DAB2IP: variants seen among roughly 807,000 people sequenced by gnomAD.
DAB2IP encodes the protein disabled homolog 2-interacting protein.
DAB2IP carries 28 observed loss-of-function variants against 107.2 expected under a neutral mutation model. The ratio of observed to expected loss-of-function variants is 0.26; its 90% CI spans 0.19 to 0.36. The LOEUF is 0.36. Ranked by LOEUF, DAB2IP falls within the 10% of genes least tolerant of loss-of-function variation. DAB2IP has a pLI of 1.00. For synonymous variants in DAB2IP, 755 were observed against 706.4 expected (o/e 1.07, Z -1.09); for missense variants, 1,400 against 1,644.7 (o/e 0.85, Z 2.57).
At chr9:121,777,658 G>T (rs1344509326) in intron 14 of DAB2IP, among the ~76,000 whole-genome samples, 1 of 152,004 alleles carries the variant, frequency 6.6e-6, no homozygotes, top group Non-Finnish European at 1.5e-5. Context: ...ATCCTTACTG[G>T]CTTTTCTATT....
chr9:121,773,291 G>GCCCCCCCCC, exon 12 of DAB2IP: 1 of 1,511,552 alleles, frequency 6.6e-7, no homozygotes, highest in Non-Finnish European at 8.9e-7. Flanking sequence ...ACCAGCCTCC[G>GCCCCCCCCC]CCCCCACCCC....
In DAB2IP at chr9:121,776,869, T is replaced by C. The variant is rs1835238208; in HGVS notation, c.3314+478T>C. On this transcript the variant is annotated intron_variant, in intron 14 of 15. Coordinates refer to ENST00000408936, the Ensembl canonical transcript of DAB2IP. This position sits in a 1 kb window ranked among gnomAD's most constrained non-coding sequence, Gnocchi z 5.4. Reference sequence around the variant, plus strand: ...GTGGGCGTATCAGGGTACCAGTTACTGAGCTGGGAACTGTTAAGAGGAGTG... The same window carrying C: ...GTGGGCGTATCAGGGTACCAGTTACCGAGCTGGGAACTGTTAAGAGGAGTG... Among the ~76,000 whole-genome samples, 1 of 151,970 alleles carries C rather than the reference T, an allele frequency of 6.6e-6. No homozygotes were observed. The highest frequency in any genetic ancestry group is 2.4e-5 in the African/African-American group (1 of 41,370).
At chr9:121,642,455 A>T (rs960527390) in intron 1 of DAB2IP, among the ~76,000 whole-genome samples, 3 of 148,618 alleles carry the variant, frequency 2.0e-5, no homozygotes, top group Non-Finnish European at 4.4e-5. Flanking sequence ...TGCTGCAATT[A>T]CAGGCGTGAG....
chr9:121,660,809 C>T (rs1010937562), intron 1 of DAB2IP, among the ~76,000 whole-genome samples: 1 of 152,052 alleles, frequency 6.6e-6, no homozygotes, highest in African/African-American at 2.4e-5. Flanking sequence ...ATGCACCATA[C>T]TAAATGGTGT....
In DAB2IP at chr9:121,760,016, C is replaced by T. The variant is rs778883029; in HGVS notation, c.747C>T (p.Leu249=). Reference sequence around the variant, plus strand: ...TCTATGCCCGCACCACGGGCAAGCTCAAGACGGACAATGTTTTCTGGGGCG... The same window carrying T: ...TCTATGCCCGCACCACGGGCAAGCTTAAGACGGACAATGTTTTCTGGGGCG... Residue 249 remains leucine (L), a synonymous_variant, in exon 6 of 16, where the codon CTC becomes CTT. Transcript: ENST00000408936. This position sits in a 1 kb window ranked among gnomAD's most constrained non-coding sequence, Gnocchi z 5.9. The T allele has an allele frequency of 1.2e-5, 20 of 1,613,992 alleles. No individual in the cohort carries two copies. The Middle Eastern group carries it at 6.6e-4, about 53-fold the overall frequency.
At chr9:121,605,878 G>T (rs2118963625) in intron 1 of DAB2IP, among the ~76,000 whole-genome samples, 1 of 152,248 alleles carries the variant, frequency 6.6e-6, no homozygotes, top group Admixed American at 6.5e-5. Context: ...GATTGTGTCG[G>T]GGGCCCACAG....
intron 1 of DAB2IP, among the ~76,000 whole-genome samples, chr9:121,640,799 A>G (rs1832259730): frequency 2.6e-5 from 4 of 152,142 alleles, no homozygotes; most frequent in Admixed American, 2.6e-4. Context: ...CTCTGACTTG[A>G]GAGTGGGCTG....
intron 3 of DAB2IP, among the ~76,000 whole-genome samples, chr9:121,705,638 G>T (rs1247079984): frequency 6.6e-6 from 1 of 152,162 alleles, no homozygotes; most frequent in Non-Finnish European, 1.5e-5. Context: ...TTCTGTCTGG[G>T]TGCATGGACA....
intron 8 of DAB2IP, 27 bp from the exon 9 acceptor site, chr9:121,766,467 A>G (rs377760698): frequency 1.4e-5 from 23 of 1,594,042 alleles, no homozygotes; most frequent in African/African-American, 1.3e-4. Flanking sequence ...CTGACAGCCA[A>G]GCCCACCTTT....
chr9:121,632,040 T>C (rs1048254681), intron 1 of DAB2IP, among the ~76,000 whole-genome samples: 3 of 151,806 alleles, frequency 2.0e-5, no homozygotes, highest in Non-Finnish European at 2.9e-5. Context: ...GAGCCCAGGG[T>C]CCTCGTGGGG....
chr9:121,644,323 G>A (rs1161298012), intron 1 of DAB2IP, among the ~76,000 whole-genome samples: 1 of 152,156 alleles, frequency 6.6e-6, no homozygotes, highest in African/African-American at 2.4e-5. Flanking sequence ...AAGGCTGGGC[G>A]CAGTGGCTCA....
chr9:121,642,912 G>C (rs1832413244), intron 1 of DAB2IP, among the ~76,000 whole-genome samples: 1 of 150,172 alleles, frequency 6.7e-6, no homozygotes, highest in Non-Finnish European at 1.5e-5. Context: ...GTCTCTGAGG[G>C]TGTGATATTT....
chr9:121,602,339 A>G (rs1389284750), intron 1 of DAB2IP, among the ~76,000 whole-genome samples: 1 of 152,042 alleles, frequency 6.6e-6, no homozygotes, highest in Non-Finnish European at 1.5e-5. Context: ...GGCACCCCCA[A>G]GATCACTGGC....
intron 1 of DAB2IP, among the ~76,000 whole-genome samples, chr9:121,677,402 G>A (rs1833964607): frequency 6.6e-6 from 1 of 152,080 alleles, no homozygotes. Flanking sequence ...TGTGCCTGTG[G>A]TCCCAGCTAC....
intron 3 of DAB2IP, among the ~76,000 whole-genome samples, chr9:121,724,987 C>T (rs1024598986): frequency 1.3e-5 from 2 of 152,108 alleles, no homozygotes; most frequent in African/African-American, 4.8e-5. Context: ...GGACAGGGAA[C>T]CCTTGCAAGA....
chr9:121,638,574 C>T (rs1249761587), intron 1 of DAB2IP, among the ~76,000 whole-genome samples: 1 of 152,160 alleles, frequency 6.6e-6, no homozygotes, highest in Non-Finnish European at 1.5e-5. Flanking sequence ...GAATGCGAGT[C>T]AGCCAGGTGG....
chr9:121,758,925 T>G, exon 5 of DAB2IP: 9 of 1,613,662 alleles, frequency 5.6e-6, no homozygotes, highest in Non-Finnish European at 7.6e-6. Context: ...AAGCAAGTGC[T>G]TTTCCTGCCG....
chr9:121,644,736 C>G (rs538011172), intron 1 of DAB2IP, among the ~76,000 whole-genome samples: 1 of 152,240 alleles, frequency 6.6e-6, no homozygotes, highest in Non-Finnish European at 1.5e-5. Flanking sequence ...CACAACCTCA[C>G]AAAATATTCA....
In DAB2IP at chr9:121,698,843, TG is replaced by T. The variant is rs967626140; in HGVS notation, c.229-475del. ...GGCGCTTTGTCAATCCCCGACGGGGTGGGGGGGCGTGGATTCCTCCAGGTGG... is the reference window on the plus strand; with the variant it reads ...GGCGCTTTGTCAATCCCCGACGGGGTGGGGGGCGTGGATTCCTCCAGGTGG... On this transcript the variant is annotated intron_variant, in intron 2 of 15. Coordinates refer to ENST00000408936, the Ensembl canonical transcript of DAB2IP. The surrounding 1 kb of genome is among the most constrained non-coding windows in gnomAD (Gnocchi z 4.1). Among the ~76,000 whole-genome samples the T allele has an allele frequency of 2.0e-5, 3 of 149,288 alleles. No individual in the cohort carries two copies. The highest frequency in any genetic ancestry group is 7.4e-5 in the African/African-American group (3 of 40,318).
Sources: allele counts gnomAD v4.1 joint callset (sites outside exome capture counted in the v4.1 genomes callset), GRCh38; gene constraint gnomAD v4.1.1; non-coding constraint Gnocchi (gnomAD v3.1); transcripts MANE v1.5; gene names NCBI Gene and HGNC (gene_info 2026-07-23, HGNC 2026-07-21).